TMBIM6: variants seen among roughly 807,000 people sequenced by gnomAD.
TMBIM6 encodes bax inhibitor 1.
Under a neutral mutation model 31.4 loss-of-function variants are expected in TMBIM6, and 13 were observed. That is an observed-to-expected ratio of 0.41 (90% CI 0.27 to 0.66). The LOEUF is 0.66. Ranked by LOEUF, TMBIM6 falls within the 30% of genes least tolerant of loss-of-function variation. The probability of loss-of-function intolerance (pLI) is 0.28; values close to 1 mark genes in which losing one functional copy is unlikely to be tolerated. For synonymous variants in TMBIM6, 85 were observed against 101.7 expected, an observed-to-expected ratio of 0.84 and a Z score of 0.99; for missense variants, 275 against 289.5, an observed-to-expected ratio of 0.95 and a Z score of 0.36.
intron 1 of TMBIM6, among the ~76,000 whole-genome samples, chr12:49,747,688 A>G (rs1945421495): frequency 1.3e-5 from 2 of 152,112 alleles, no homozygotes; most frequent in African/African-American, 4.8e-5. Context: ...ACTGATATTT[A>G]ATTAAATGTG....
intron 1 of TMBIM6, among the ~76,000 whole-genome samples, chr12:49,748,820 A>G (rs1166523751): frequency 1.3e-5 from 2 of 152,204 alleles, no homozygotes; most frequent in Admixed American, 6.5e-5. Context: ...GGACTGCTGT[A>G]TTGAATTTTT....
In TMBIM6 at chr12:49,759,205, C is replaced by G; in HGVS notation, c.514-16C>G. The G allele has an allele frequency of 1.2e-6, 2 of 1,609,956 alleles. No homozygotes were observed. The highest frequency in any genetic ancestry group is 1.7e-6 in the Non-Finnish European group (2 of 1,176,346). On this transcript the variant is annotated splice_polypyrimidine_tract_variant and intron_variant, in intron 7 of 9. Transcript: ENST00000267115. ...AACTTCTGCTGTATAGTAACTTCAT[C>G]TCTTACATTTGTTAGGCAAACCTGT...
chr12:49,746,864 C>A (rs28415203), intron 1 of TMBIM6, among the ~76,000 whole-genome samples: 4 of 151,664 alleles, frequency 2.6e-5, no homozygotes, highest in Admixed American at 1.3e-4. Flanking sequence ...GAGACAGAGT[C>A]TGGCTCTGTC....
intron 8 of TMBIM6, among the ~76,000 whole-genome samples, chr12:49,759,527 A>G (rs7956089): frequency 0.21 from 31,691 of 152,080 alleles, 5,438 homozygotes; most frequent in African/African-American, 0.48. Flanking sequence ...CTAATAGGCC[A>G]GGTGTGGTGG....
At chr12:49,752,835 C>A in intron 2 of TMBIM6, 138 bp from the exon 3 acceptor site, 1 of 855,216 alleles carries the variant, frequency 1.2e-6, no homozygotes. Flanking sequence ...TTGTAATATG[C>A]TTTCCTAAAA....
chr12:49,756,393 CA>C (rs1945595251), intron 4 of TMBIM6, among the ~76,000 whole-genome samples: 1 of 150,358 alleles, frequency 6.7e-6, no homozygotes, highest in African/African-American at 2.5e-5. Flanking sequence ...CTTAGCCTCC[CA>C]AAGTGTTAGG....
At chr12:49,762,094 C>A in intron 9 of TMBIM6, 1 of 278,540 alleles carries the variant, frequency 3.6e-6, no homozygotes, top group Non-Finnish European at 6.7e-6. Context: ...TTGTGGAGGA[C>A]GTTGTAAATT....
chr12:49,752,390 C>CTTT (rs201023385), intron 1 of TMBIM6, 74 bp from the exon 2 acceptor site: 93 of 871,996 alleles, frequency 1.1e-4, no homozygotes, highest in South Asian at 2.6e-4. Context: ...TTACATGTTG[C>CTTT]TTTTTTTTTT....
intron 1 of TMBIM6, chr12:49,750,714 T>C (rs1945479081): frequency 6.6e-6 from 1 of 152,116 alleles, no homozygotes; most frequent in Non-Finnish European, 1.5e-5. Flanking sequence ...AGGTGAGTAG[T>C]GATGTTAATG....
chr12:49,760,533 C>CTTTTTTTTT (rs35862867), intron 8 of TMBIM6, among the ~76,000 whole-genome samples: 1 of 93,522 alleles, frequency 1.1e-5, no homozygotes, highest in African/African-American at 4.0e-5. Flanking sequence ...TGCCCAGCCA[C>CTTTTTTTTT]TTTTTTTTTT....
rs751144689 is a variant in TMBIM6, at chr12:49,759,164, G to GT, written c.514-48dup. 3,872 of 1,410,442 alleles carry GT rather than the reference G, an allele frequency of 2.7e-3. 12 individuals are homozygous for GT. The highest frequency in any genetic ancestry group is 8.3e-3 in the South Asian group (703 of 85,196). The allele number at this position is 1,410,442 out of a possible 1,614,324, so 87.4% of individuals were successfully genotyped here. On this transcript the variant is annotated intron_variant, in intron 7 of 9. Transcript: ENST00000267115. ...GACTATGAGCCAGAAAGTATGGCTG[G>GT]TTTTTTTTTCTCTGCAACTTCTGCT...
intron 1 of TMBIM6, among the ~76,000 whole-genome samples, chr12:49,752,171 C>CTT (rs1945506161): frequency 1.3e-5 from 2 of 152,284 alleles, no homozygotes; most frequent in Admixed American, 1.3e-4. Flanking sequence ...CTTTTATAAA[C>CTT]TTACTGCCTT....
chr12:49,750,414 G>T (rs866661183), intron 1 of TMBIM6, among the ~76,000 whole-genome samples: 8 of 152,204 alleles, frequency 5.3e-5, no homozygotes, highest in Non-Finnish European at 1.0e-4. Flanking sequence ...CAGTATTATT[G>T]TAAGTGCTGT....
chr12:49,751,353 T>G (rs548962062), intron 1 of TMBIM6, among the ~76,000 whole-genome samples: 2 of 152,214 alleles, frequency 1.3e-5, no homozygotes, highest in East Asian at 3.9e-4. Context: ...TCTGTATGGT[T>G]AGGGAAAAAA....
chr12:49,749,305 A>G (rs545371874), intron 1 of TMBIM6, among the ~76,000 whole-genome samples: 5 of 152,332 alleles, frequency 3.3e-5, no homozygotes, highest in African/African-American at 1.2e-4. Context: ...TGAAATTGTC[A>G]TCTGTACATT....
At chr12:49,756,522 C>T (rs1357580522) in intron 4 of TMBIM6, among the ~76,000 whole-genome samples, 3 of 148,906 alleles carry the variant, frequency 2.0e-5, no homozygotes, top group African/African-American at 7.5e-5. Flanking sequence ...CAGCTCATTG[C>T]AATCTCTGCC....
In TMBIM6 at chr12:49,759,998, G is replaced by C. The variant is rs370834758; in HGVS notation, c.614+677G>C. On this transcript the variant is annotated intron_variant, in intron 8 of 9. Transcript: ENST00000267115. ...GTGGTGGCGGGCACCTGTAGTCCCA[G>C]CTACTCAGGAGGCGGAGGCAGGAGA... is the stretch of plus-strand genomic sequence containing the variant. Among the ~76,000 whole-genome samples, 30 of 151,042 alleles carry C rather than the reference G, an allele frequency of 2.0e-4. No individual in the cohort carries two copies. In the South Asian group the frequency reaches 6.3e-3, roughly 32 times the overall value.
At chr12:49,756,240 A>T (rs1945590698) in intron 4 of TMBIM6, among the ~76,000 whole-genome samples, 1 of 151,720 alleles carries the variant, frequency 6.6e-6, no homozygotes, top group African/African-American at 2.4e-5. Context: ...GGTTCAAGCG[A>T]TTCTCCTGCC....
intron 4 of TMBIM6, among the ~76,000 whole-genome samples, chr12:49,757,413 T>A (rs1477203675): frequency 6.6e-6 from 1 of 152,228 alleles, no homozygotes; most frequent in Non-Finnish European, 1.5e-5. Context: ...GAGCTTCTGT[T>A]CTGAGTCTTA....
Sources: gnomAD v4.1 joint callset for allele counts (sites outside exome capture counted in the v4.1 genomes callset) on GRCh38, gnomAD v4.1.1 for gene constraint, MANE v1.5 for transcripts, NCBI Gene and HGNC (gene_info 2026-07-23, HGNC 2026-07-21) for gene names.